Variants in CMTM8 observed in about 807,000 individuals in gnomAD.
CMTM8 encodes CKLF like MARVEL transmembrane domain containing 8, also known as CKLF-like MARVEL transmembrane domain-containing protein 8.
In CMTM8, 12 loss-of-function variants were observed where a neutral mutation model predicts 18.6. The observed-to-expected ratio is 0.65, with a 90% CI of 0.41 to 1.05. The LOEUF is 1.05. Among genes scored for constraint, CMTM8 ranks in the 50% least tolerant of loss-of-function variants. The pLI, the probability that CMTM8 is intolerant of heterozygous loss-of-function variation, is 0.00. For missense variants in CMTM8, 217 were observed against 227.2 expected, an observed-to-expected ratio of 0.95 and a Z score of 0.29; for synonymous variants, 87 against 90.6, an observed-to-expected ratio of 0.96 and a Z score of 0.23.
intron 3 of CMTM8, among the ~76,000 whole-genome samples, chr3:32,368,901 G>A (rs1014196113): frequency 6.6e-6 from 1 of 152,182 alleles, no homozygotes; most frequent in Admixed American, 6.5e-5. Context: ...GCCTATCGGG[G>A]GAAGGAGGGA....
intron 1 of CMTM8, among the ~76,000 whole-genome samples, chr3:32,302,468 T>G (rs1695639351): frequency 6.6e-6 from 1 of 152,230 alleles, no homozygotes; most frequent in Admixed American, 6.5e-5. Context: ...AAGTTAGTTT[T>G]AAGTCTGAGA....
At chr3:32,296,548 G>A (rs1288290790) in intron 1 of CMTM8, among the ~76,000 whole-genome samples, 1 of 152,168 alleles carries the variant, frequency 6.6e-6, no homozygotes, top group Non-Finnish European at 1.5e-5. Flanking sequence ...CTCCCTTGAG[G>A]CAAGCAACAG....
chr3:32,334,297 C>T (rs993867196), intron 1 of CMTM8, among the ~76,000 whole-genome samples: 6 of 151,174 alleles, frequency 4.0e-5, no homozygotes, highest in African/African-American at 1.5e-4. Context: ...TTCTGTAAAC[C>T]TAAAACTGCT....
rs762024524 is a variant in CMTM8, at chr3:32,367,961, C to T, written c.411C>T (p.His137=). The T allele has an allele frequency of 5.0e-6, 8 of 1,613,788 alleles. No individual in the cohort carries two copies. The South Asian group carries it at 8.8e-5, about 18-fold the overall frequency. Residue 137 remains histidine, a synonymous_variant, in exon 3 of 4, where the codon CAC becomes CAT. Transcript: ENST00000307526. ...CCGTCTCCCCTGAGAGGGACAGTCA[C>T]AACTTCAACAGCTGGGCGGCCTCAT... is the stretch of plus-strand genomic sequence containing the variant. ...ASSVSPERDS[H]NFNSWAASSF...
chr3:32,354,185 C>T (rs146802834), intron 1 of CMTM8, among the ~76,000 whole-genome samples: 2 of 151,344 alleles, frequency 1.3e-5, no homozygotes, highest in Non-Finnish European at 2.9e-5. Flanking sequence ...AAATGCTTAT[C>T]AGGGAAAACA....
chr3:32,317,167 G>C (rs1468230647), intron 1 of CMTM8, among the ~76,000 whole-genome samples: 1 of 152,146 alleles, frequency 6.6e-6, no homozygotes. Context: ...TGAAATCACA[G>C]TTGGTCGTAG....
intron 2 of CMTM8, among the ~76,000 whole-genome samples, chr3:32,360,934 T>A (rs1403489788): frequency 6.6e-6 from 1 of 152,214 alleles, no homozygotes; most frequent in African/African-American, 2.4e-5. Flanking sequence ...TAGTTATAGA[T>A]CCATAATCTC....
intron 1 of CMTM8, among the ~76,000 whole-genome samples, chr3:32,294,152 C>T (rs1438552186): frequency 6.6e-6 from 1 of 152,150 alleles, no homozygotes; most frequent in Non-Finnish European, 1.5e-5. Flanking sequence ...TGAGAAGTGC[C>T]TCATGTTTCT....
intron 2 of CMTM8, among the ~76,000 whole-genome samples, chr3:32,367,412 G>C (rs1189495745): frequency 6.6e-6 from 1 of 152,188 alleles, no homozygotes; most frequent in Non-Finnish European, 1.5e-5. Flanking sequence ...GTTTGGAATG[G>C]GGGGTTAGGG....
chr3:32,296,018 C>T (rs1702872482), intron 1 of CMTM8, among the ~76,000 whole-genome samples: 1 of 152,170 alleles, frequency 6.6e-6, no homozygotes. Context: ...TTTGTTCTGT[C>T]TTGGATGTCA....
rs577088599 is a variant in CMTM8 at position 32,293,793 on chromosome 3, T to A, written c.147+54674T>A. 9.2e-5 allele frequency among the ~76,000 whole-genome samples: 14 copies of A among 152,264 alleles called. No individual in the cohort carries two copies. The South Asian group carries it at 2.1e-3, about 23-fold the overall frequency. On this transcript the variant is annotated intron_variant, in intron 1 of 3. Coordinates refer to ENST00000307526, the MANE Select transcript of CMTM8 (RefSeq NM_178868.5). ...CCAGGAGGTAGAGGTTGCTGTGAGC[T>A]GATATTGTGCCACTGCACTCTAGCC...
At chr3:32,269,961 C>G (rs7632863) in intron 1 of CMTM8, among the ~76,000 whole-genome samples, 1 of 150,742 alleles carries the variant, frequency 6.6e-6, no homozygotes, top group African/African-American at 2.4e-5. Context: ...TTTTTTGAGA[C>G]GGGGGTCTCA....
chr3:32,269,630 A>G (rs142597600), intron 1 of CMTM8, among the ~76,000 whole-genome samples: 149 of 152,278 alleles, frequency 9.8e-4, no homozygotes, highest in Non-Finnish European at 1.8e-3. Context: ...CCAAGGTATG[A>G]AAAAGGTCAG....
At chr3:32,275,157 A>T (rs1575155823) in intron 1 of CMTM8, among the ~76,000 whole-genome samples, 1 of 149,972 alleles carries the variant, frequency 6.7e-6, no homozygotes, top group African/African-American at 2.4e-5. Flanking sequence ...GGTGTGCACC[A>T]CCACACCTGG....
At chr3:32,257,701 G>T (rs545486566) in intron 1 of CMTM8, among the ~76,000 whole-genome samples, 1 of 151,588 alleles carries the variant, frequency 6.6e-6, no homozygotes, top group Non-Finnish European at 1.5e-5. Context: ...TTTGTTTACC[G>T]AGAGACCACT....
At chr3:32,316,089 C>T (rs969306030) in intron 1 of CMTM8, among the ~76,000 whole-genome samples, 7 of 127,974 alleles carry the variant, frequency 5.5e-5, no homozygotes, top group Non-Finnish European at 9.3e-5. Flanking sequence ...TACAGTGGCG[C>T]GATCTCGGCT....
At chr3:32,341,458 C>G (rs1298709291) in intron 1 of CMTM8, among the ~76,000 whole-genome samples, 1 of 152,152 alleles carries the variant, frequency 6.6e-6, no homozygotes, top group Non-Finnish European at 1.5e-5. Flanking sequence ...TAGCAACTAT[C>G]CTTTGTAGAG....
chr3:32,282,601 T>C (rs1702624377), intron 1 of CMTM8, among the ~76,000 whole-genome samples: 1 of 152,208 alleles, frequency 6.6e-6, no homozygotes, highest in South Asian at 2.1e-4. Context: ...CTGATTTCCC[T>C]GCCTATAACC....
chr3:32,324,451 T>C (rs1297276676), intron 1 of CMTM8, among the ~76,000 whole-genome samples: 2 of 152,162 alleles, frequency 1.3e-5, no homozygotes, highest in African/African-American at 4.8e-5. Context: ...GAGAGGAAGG[T>C]TTTTTGTCTA....
Sources: allele counts gnomAD v4.1 joint callset (sites outside exome capture counted in the v4.1 genomes callset), GRCh38; gene constraint gnomAD v4.1.1; transcripts MANE v1.5; gene names NCBI Gene and HGNC (gene_info 2026-07-23, HGNC 2026-07-21).